ADGRV1: variants seen among roughly 807,000 people sequenced by gnomAD.
ADGRV1 encodes the protein G-protein coupled receptor 98.
Under a neutral mutation model 596.2 loss-of-function variants are expected in ADGRV1, and 359 were observed. The ratio of observed to expected loss-of-function variants is 0.60; its 90% CI spans 0.55 to 0.66. The LOEUF (loss-of-function observed/expected upper bound fraction) is 0.66, where lower values mean the gene tolerates loss of function less well. Ranked by LOEUF, ADGRV1 falls within the 30% of genes least tolerant of loss-of-function variation. The probability of loss-of-function intolerance (pLI) is 0.00; values close to 1 mark genes in which losing one functional copy is unlikely to be tolerated. For missense variants in ADGRV1, 7,274 were observed against 7,575.6 expected (o/e 0.96, Z 1.48); for synonymous variants, 2,681 against 2,679.2 (o/e 1.00, Z -0.02).
intron 83 of ADGRV1, among the ~76,000 whole-genome samples, chr5:90,877,281 G>T (rs1292257170): frequency 6.9e-6 from 1 of 144,070 alleles, no homozygotes; most frequent in African/African-American, 2.4e-5. Context: ...AAGGAATCTG[G>T]GTTGGTTCAA....
intron 89 of ADGRV1, among the ~76,000 whole-genome samples, chr5:91,162,734 A>G (rs969980421): frequency 1.3e-5 from 2 of 152,194 alleles, no homozygotes; most frequent in Non-Finnish European, 2.9e-5. Context: ...GCTTGGCTAG[A>G]AGGTCACTAG....
intron 77 of ADGRV1, among the ~76,000 whole-genome samples, chr5:90,834,564 CT>C (rs572952573): frequency 0.041 from 6,004 of 144,922 alleles, 396 homozygotes; most frequent in African/African-American, 0.14. Context: ...TTTTAGGATT[CT>C]TTTTTTTTTT....
intron 50 of ADGRV1, among the ~76,000 whole-genome samples, chr5:90,736,900 T>TAAA (rs539905927): frequency 6.4e-4 from 96 of 150,826 alleles, no homozygotes; most frequent in African/African-American, 2.2e-3. Context: ...CTTTTTCTTT[T>TAAA]AAAAAAAAAC....
Position 90,684,199 on chromosome 5 carries a change from A to G in ADGRV1, c.6274+4A>G. The G allele has an allele frequency of 6.2e-7, 1 of 1,600,466 alleles. No homozygotes were observed. On this transcript the variant is annotated splice_donor_region_variant and intron_variant, in intron 28 of 89. Coordinates refer to ENST00000405460, the MANE Select transcript of ADGRV1 (RefSeq NM_032119.4). Reference sequence around the variant, plus strand: ...GCGAAAGTACAGAGTCGTTCAAGTAAGTATCCCTTAGTGTGTTATTATTAT... The same window carrying G: ...GCGAAAGTACAGAGTCGTTCAAGTAGGTATCCCTTAGTGTGTTATTATTAT...
At chr5:91,072,308 C>G in intron 85 of ADGRV1, 139 bp from the exon 86 acceptor site, 7 of 721,096 alleles carry the variant, frequency 9.7e-6, no homozygotes, top group Non-Finnish European at 1.5e-5. Flanking sequence ...AACAAAACTT[C>G]AGTTTGGCAA....
chr5:91,038,902 G>A (rs1324869346), intron 85 of ADGRV1, among the ~76,000 whole-genome samples: 1 of 152,160 alleles, frequency 6.6e-6, no homozygotes, highest in Non-Finnish European at 1.5e-5. Context: ...TTTCCTACCA[G>A]TATGATCCCT....
intron 85 of ADGRV1, chr5:91,031,357 C>T: frequency 8.1e-7 from 1 of 1,229,848 alleles, no homozygotes; most frequent in African/African-American, 1.5e-5. Context: ...TCTATCTCAT[C>T]CGCTGACGGA....
At position 90,781,512 on chromosome 5, in the gene ADGRV1, A is replaced by C; in HGVS notation, c.13165A>C (p.Ile4389Leu). ...EIGNISIVRI[I>L]IMKNDNAEGI... ...AGGAAACATCTCCATTGTTCGCATC[A>C]TAATAATGAAAAATGATAACGCAGA... The change falls in exon 65 of 90, where the codon ATA (isoleucine) becomes CTA (leucine). Residue 4389 changes from isoleucine to leucine, a missense_variant. By Grantham distance (5) the Ile-to-Leu change is conservative. This residue lies in a region of ADGRV1 where 3,643 missense variants were observed against 3,809.2 expected (regional missense o/e 0.96). Transcript: ENST00000405460. 1.2e-6 allele frequency: 2 copies of C among 1,611,522 alleles called. No homozygotes were observed. The highest frequency in any genetic ancestry group is 1.7e-6 in the Non-Finnish European group (2 of 1,178,626).
At chr5:90,774,341 A>G in intron 60 of ADGRV1, 38 bp downstream of exon 60, 3 of 1,166,206 alleles carry the variant, frequency 2.6e-6, no homozygotes, top group Non-Finnish European at 3.8e-6. Flanking sequence ...TAAAAAGTAA[A>G]TTCTCAGAAA....
chr5:91,126,876 G>C (rs1793805095), intron 87 of ADGRV1, among the ~76,000 whole-genome samples: 1 of 152,104 alleles, frequency 6.6e-6, no homozygotes, highest in African/African-American at 2.4e-5. Flanking sequence ...GAATGGATGT[G>C]CCTCTCTCGG....
chr5:90,999,555 A>C (rs902752059), intron 85 of ADGRV1, among the ~76,000 whole-genome samples: 1 of 152,062 alleles, frequency 6.6e-6, no homozygotes, highest in African/African-American at 2.4e-5. Context: ...TAATTGTAAA[A>C]TTGCGGGTGG....
intron 85 of ADGRV1, among the ~76,000 whole-genome samples, chr5:91,023,810 C>T (rs1439863019): frequency 1.3e-5 from 2 of 152,058 alleles, no homozygotes; most frequent in African/African-American, 4.8e-5. Flanking sequence ...CAGGGAGTAT[C>T]ACTAAAACGC....
intron 1 of ADGRV1, among the ~76,000 whole-genome samples, chr5:90,564,135 T>G (rs1164906051): frequency 6.6e-6 from 1 of 152,252 alleles, no homozygotes; most frequent in East Asian, 1.9e-4. Flanking sequence ...TTACAAGTGA[T>G]CAGTATAATT....
intron 83 of ADGRV1, among the ~76,000 whole-genome samples, chr5:90,909,735 C>T (rs1319475399): frequency 6.6e-6 from 1 of 152,074 alleles, no homozygotes; most frequent in African/African-American, 2.4e-5. Context: ...CTTCAAAGCT[C>T]AAGTTTGCAC....
intron 1 of ADGRV1, among the ~76,000 whole-genome samples, chr5:90,572,512 A>C (rs1756659875): frequency 6.6e-6 from 1 of 152,218 alleles, no homozygotes; most frequent in Admixed American, 6.5e-5. Flanking sequence ...AGAAAACAGA[A>C]TAGAAATAAA....
At position 90,715,806 on chromosome 5, in the gene ADGRV1, G is replaced by A. The variant is rs551580688; in HGVS notation, c.9185-661G>A. 2.0e-5 allele frequency among the ~76,000 whole-genome samples: 3 copies of A among 152,064 alleles called. No homozygotes were observed. In the South Asian group the frequency reaches 6.2e-4, roughly 32 times the overall value. On this transcript the variant is annotated intron_variant, in intron 42 of 89. Transcript: ENST00000405460. ...ATTACCTGAATGTCCTTCAATCATA[G>A]GTTCTGTAAAATGAGAATAATAATA...
intron 84 of ADGRV1, among the ~76,000 whole-genome samples, chr5:90,976,322 G>GTGTATATATA (rs1420288881): frequency 2.9e-4 from 32 of 108,614 alleles, no homozygotes; most frequent in African/African-American, 7.2e-4. Context: ...GTGTGTGTGT[G>GTGTATATATA]TATATATATA....
At chr5:90,655,278 A>G (rs984691382) in intron 20 of ADGRV1, 2 of 152,162 alleles carry the variant, frequency 1.3e-5, no homozygotes, top group African/African-American at 4.8e-5. Flanking sequence ...TTAAATTTAT[A>G]TAAATAGAAC....
chr5:90,663,780 G>A (rs779759951), intron 21 of ADGRV1, among the ~76,000 whole-genome samples: 4 of 151,800 alleles, frequency 2.6e-5, no homozygotes, highest in African/African-American at 9.7e-5. Context: ...ATCTTGAATT[G>A]ATTTTTGTAT....
Sources: allele counts gnomAD v4.1 joint callset (sites outside exome capture counted in the v4.1 genomes callset), GRCh38; gene constraint gnomAD v4.1.1; regional missense constraint gnomAD v4.1.1; transcripts MANE v1.5; gene names NCBI Gene and HGNC (gene_info 2026-07-23, HGNC 2026-07-21).